AGAP1: variants seen among roughly 807,000 people sequenced by gnomAD.
AGAP1 encodes the protein ArfGAP with GTPase domain, ankyrin repeat and PH domain 1, also known as arf-GAP with GTPase, ANK repeat and PH domain-containing protein 1.
Under a neutral mutation model 105.3 loss-of-function variants are expected in AGAP1, and 29 were observed. The observed-to-expected ratio is 0.28, with a 90% CI of 0.21 to 0.38. The LOEUF (loss-of-function observed/expected upper bound fraction) is 0.38. Among genes scored for constraint, AGAP1 ranks in the 10% least tolerant of loss-of-function variants. The probability of loss-of-function intolerance (pLI) is 1.00; values close to 1 mark genes in which losing one functional copy is unlikely to be tolerated. For synonymous variants in AGAP1, 509 were observed against 485.9 expected (o/e 1.05, Z -0.63); for missense variants, 998 against 1,165.1 (o/e 0.86, Z 2.09).
In AGAP1 at chr2:235,751,529, G is replaced by A. The variant is rs999503818; in HGVS notation, c.673+1041G>A. 1.3e-5 allele frequency among the ~76,000 whole-genome samples: 2 copies of A among 152,190 alleles called. No individual in the cohort carries two copies. The highest frequency in any genetic ancestry group is 2.9e-5 in the Non-Finnish European group (2 of 68,036). On this transcript the variant is annotated intron_variant, in intron 6 of 17. Transcript: ENST00000304032. This position sits in a 1 kb window ranked among gnomAD's most constrained non-coding sequence, Gnocchi z 5.3. ...AAGACCCACGGTGAAAGCAGTGGCT[G>A]CAGGACTGTTCCCGGGACTTCCTCC... is the stretch of plus-strand genomic sequence containing the variant.
chr2:235,874,638 T>G lies in AGAP1; in HGVS notation c.1051-8707T>G, dbSNP rs554192652. Among the ~76,000 whole-genome samples, 10 of 152,306 alleles carry G rather than the reference T, an allele frequency of 6.6e-5. No individual in the cohort carries two copies. In the South Asian group the frequency reaches 2.1e-3, roughly 32 times the overall value. ...TGCAGGCCTCACTTGGATCAGCTGC[T>G]CCTGTCCTTAGGGGTCAGGACAGGA... On this transcript the variant is annotated intron_variant, in intron 9 of 17. Coordinates refer to ENST00000304032, the MANE Select transcript of AGAP1 (RefSeq NM_001037131.3). This position sits in a 1 kb window ranked among gnomAD's most constrained non-coding sequence, Gnocchi z 4.5.
rs2049070823 is a variant in AGAP1, at chr2:235,864,562, C to G, written c.1051-18783C>G. ...AACGCAGGTCAGCATGGAGGGGCAG[C>G]CTGCAGAGGTGTCACCAGCAGCCAT... On this transcript the variant is annotated intron_variant, in intron 9 of 17. Coordinates refer to ENST00000304032, the MANE Select transcript of AGAP1 (RefSeq NM_001037131.3). This position sits in a 1 kb window ranked among gnomAD's most constrained non-coding sequence, Gnocchi z 5.0. Among the ~76,000 whole-genome samples, 1 of 152,160 alleles carries G rather than the reference C, an allele frequency of 6.6e-6. No homozygotes were observed. The highest frequency in any genetic ancestry group is 1.5e-5 in the Non-Finnish European group (1 of 68,028).
chr2:235,774,942 A>G (rs1955748440), intron 6 of AGAP1, among the ~76,000 whole-genome samples: 1 of 152,184 alleles, frequency 6.6e-6, no homozygotes, highest in South Asian at 2.1e-4. Context: ...TGGTGCCAAA[A>G]TGTCAGTTTG....
rs1341420082 is a variant in AGAP1 at position 235,994,813 on chromosome 2, T to A, written c.1645+26190T>A. On this transcript the variant is annotated intron_variant, in intron 13 of 17. Coordinates refer to ENST00000304032, the MANE Select transcript of AGAP1 (RefSeq NM_001037131.3). The surrounding 1 kb of genome is among the most constrained non-coding windows in gnomAD (Gnocchi z 4.4). ...CGGGCCCAATGGCTCACACCTGTAATCCTAGCACTTTGGGAGGCCGAGGCG... is the reference window on the plus strand; with the variant it reads ...CGGGCCCAATGGCTCACACCTGTAAACCTAGCACTTTGGGAGGCCGAGGCG... Among the ~76,000 whole-genome samples, 3 of 150,936 alleles carry A rather than the reference T, an allele frequency of 2.0e-5. No individual in the cohort carries two copies. The highest frequency in any genetic ancestry group is 3.0e-5 in the Non-Finnish European group (2 of 67,756).
rs1448271904 is a variant in AGAP1 at position 235,793,402 on chromosome 2, G to A, written c.674-4357G>A. Among the ~76,000 whole-genome samples the A allele has an allele frequency of 6.6e-6, 1 of 152,156 alleles. No homozygotes were observed. Among genetic ancestry groups the A allele is most frequent in the Admixed American group, 6.5e-5 (1 of 15,284 alleles). Reference sequence around the variant, plus strand: ...GTCACCCAAGTAGAAGTTAGAAATTGATGACAAACTGAGGGTGCAGGGCAA... The same window carrying A: ...GTCACCCAAGTAGAAGTTAGAAATTAATGACAAACTGAGGGTGCAGGGCAA... On this transcript the variant is annotated intron_variant, in intron 6 of 17. Transcript: ENST00000304032. This position sits in a 1 kb window ranked among gnomAD's most constrained non-coding sequence, Gnocchi z 5.3.
At chr2:235,838,694 G>A (rs1394508762) in intron 9 of AGAP1, among the ~76,000 whole-genome samples, 1 of 152,252 alleles carries the variant, frequency 6.6e-6, no homozygotes, top group Non-Finnish European at 1.5e-5. Flanking sequence ...AGATCTGACT[G>A]TACTAGGTAT....
At chr2:236,037,691 A>G (rs560850813) in intron 14 of AGAP1, among the ~76,000 whole-genome samples, 32 of 152,324 alleles carry the variant, frequency 2.1e-4, no homozygotes, top group Admixed American at 1.8e-3. Flanking sequence ...TACAGGCATG[A>G]GCTACCACGC....
rs1235736841 is a variant in AGAP1, at chr2:235,963,009, C to T, written c.1484-5453C>T. Among the ~76,000 whole-genome samples, 1 of 151,974 alleles carries T rather than the reference C, an allele frequency of 6.6e-6. No individual in the cohort carries two copies. Among genetic ancestry groups the T allele is most frequent in the Non-Finnish European group, 1.5e-5 (1 of 68,024 alleles). Reference sequence around the variant, plus strand: ...AGAGTCCCATGGGGCTAGAAGTGCTCGTGTGGAAGGACACAAAAGGAAAAC... The same window carrying T: ...AGAGTCCCATGGGGCTAGAAGTGCTTGTGTGGAAGGACACAAAAGGAAAAC... On this transcript the variant is annotated intron_variant, in intron 12 of 17. Coordinates refer to ENST00000304032, the MANE Select transcript of AGAP1 (RefSeq NM_001037131.3). This position sits in a 1 kb window ranked among gnomAD's most constrained non-coding sequence, Gnocchi z 5.1.
chr2:236,090,458 T>C lies in AGAP1; in HGVS notation c.2115-29734T>C, dbSNP rs145510105. On this transcript the variant is annotated intron_variant, in intron 16 of 17. Transcript: ENST00000304032. This position sits in a 1 kb window ranked among gnomAD's most constrained non-coding sequence, Gnocchi z 4.3. ...AACAGATTAGAGGCATTTTATCTTT[T>C]TAAATAATTTCCAAATGTGCCCCAA... 4.9e-3 allele frequency among the ~76,000 whole-genome samples: 750 copies of C among 152,310 alleles called. 8 individuals are homozygous for C. Among genetic ancestry groups the C allele is most frequent in the African/African-American group, 0.017 (716 of 41,566 alleles).
In AGAP1 at chr2:235,744,379, G is replaced by A. The variant is rs1170230679; in HGVS notation, c.397-319G>A. 6.6e-6 allele frequency among the ~76,000 whole-genome samples: 1 copy of A among 152,304 alleles called. No individual in the cohort carries two copies. Among genetic ancestry groups the A allele is most frequent in the Non-Finnish European group, 1.5e-5 (1 of 68,024 alleles). On this transcript the variant is annotated intron_variant, in intron 4 of 17. Coordinates refer to ENST00000304032, the MANE Select transcript of AGAP1 (RefSeq NM_001037131.3). The surrounding 1 kb of genome is among the most constrained non-coding windows in gnomAD (Gnocchi z 5.2). Reference sequence around the variant, plus strand: ...TCTGTCTGCGGGGCCGCCTTGGCAGGTCGGGGCAGCGGGCGGACAGGCCAG... The same window carrying A: ...TCTGTCTGCGGGGCCGCCTTGGCAGATCGGGGCAGCGGGCGGACAGGCCAG...
Position 235,692,540 on chromosome 2 carries a change from G to T in AGAP1, c.164-16639G>T, listed in dbSNP as rs6729585. On this transcript the variant is annotated intron_variant, in intron 1 of 17. Transcript: ENST00000304032. The surrounding 1 kb of genome is among the most constrained non-coding windows in gnomAD (Gnocchi z 5.8). Reference sequence around the variant, plus strand: ...CAGCCCCAGCATCAAACCATACTTCGCCCTGCTGCCCCTATGCTCTCCCCC... The same window carrying T: ...CAGCCCCAGCATCAAACCATACTTCTCCCTGCTGCCCCTATGCTCTCCCCC... Among the ~76,000 whole-genome samples, 1 of 151,568 alleles carries T rather than the reference G, an allele frequency of 6.6e-6. No homozygotes were observed. The highest frequency in any genetic ancestry group is 2.1e-4 in the South Asian group (1 of 4,790).
Position 235,551,205 on chromosome 2 carries a change from G to A in AGAP1, c.163+56356G>A, listed in dbSNP as rs904212319. On this transcript the variant is annotated intron_variant, in intron 1 of 17. Coordinates refer to ENST00000304032, the MANE Select transcript of AGAP1 (RefSeq NM_001037131.3). This position sits in a 1 kb window ranked among gnomAD's most constrained non-coding sequence, Gnocchi z 4.8. ...ATGTCATCTGAGGTGGGGCCACCCG[G>A]GAAAGGTCTTCATGTCTCACTTGTA... Among the ~76,000 whole-genome samples, 2 of 152,202 alleles carry A rather than the reference G, an allele frequency of 1.3e-5. No individual in the cohort carries two copies. The highest frequency in any genetic ancestry group is 2.1e-4 in the South Asian group (1 of 4,816).
At chr2:235,935,282 G>A (rs1192248430) in intron 12 of AGAP1, among the ~76,000 whole-genome samples, 2 of 152,144 alleles carry the variant, frequency 1.3e-5, no homozygotes, top group African/African-American at 4.8e-5. Flanking sequence ...CAAGCCGCAC[G>A]GAGGATTGGA....
chr2:235,841,288 G>T (rs950823810), intron 9 of AGAP1, among the ~76,000 whole-genome samples: 2 of 152,192 alleles, frequency 1.3e-5, no homozygotes, highest in South Asian at 2.1e-4. Flanking sequence ...GTTACCAACA[G>T]TCGCCGCTCA....
intron 1 of AGAP1, among the ~76,000 whole-genome samples, chr2:235,647,985 G>T (rs1018995644): frequency 6.6e-6 from 1 of 152,144 alleles, no homozygotes; most frequent in East Asian, 1.9e-4. Flanking sequence ...AGGAGTACTG[G>T]GGTGACTGAG....
At chr2:235,781,887 C>T (rs956476237) in intron 6 of AGAP1, among the ~76,000 whole-genome samples, 2 of 152,098 alleles carry the variant, frequency 1.3e-5, no homozygotes, top group Non-Finnish European at 2.9e-5. Context: ...ACGGAGTTTC[C>T]GCATTCCTTT....
At chr2:235,521,283 TTAGA>T (rs549053777) in intron 1 of AGAP1, among the ~76,000 whole-genome samples, 16 of 152,332 alleles carry the variant, frequency 1.1e-4, no homozygotes, top group Middle Eastern at 3.4e-3. Flanking sequence ...GGAGGTGTAC[TTAGA>T]TACATTTCTT....
At chr2:235,800,086 T>C (rs1049888897) in intron 8 of AGAP1, among the ~76,000 whole-genome samples, 8 of 150,978 alleles carry the variant, frequency 5.3e-5, no homozygotes, top group African/African-American at 1.9e-4. Flanking sequence ...CTGGGTGCAC[T>C]CGGGCATGCA....
intron 1 of AGAP1, among the ~76,000 whole-genome samples, chr2:235,528,096 C>T (rs935414021): frequency 6.6e-6 from 1 of 152,154 alleles, no homozygotes; most frequent in Non-Finnish European, 1.5e-5. Context: ...CTGGATCTGT[C>T]AAAAATTGGT....
Sources: gnomAD v4.1 joint callset for allele counts (sites outside exome capture counted in the v4.1 genomes callset) on GRCh38, gnomAD v4.1.1 for gene constraint, Gnocchi (gnomAD v3.1) non-coding constraint, MANE v1.5 for transcripts, NCBI Gene and HGNC (gene_info 2026-07-23, HGNC 2026-07-21) for gene names.